MUC17: variants seen among roughly 807,000 people sequenced by gnomAD.
The protein encoded by MUC17 is mucin 17, cell surface associated, also known as mucin-17.
In MUC17, 190 loss-of-function variants were observed where a neutral mutation model predicts 170.3. The observed-to-expected ratio is 1.12, with a 90% CI of 0.99 to 1.26. The LOEUF (loss-of-function observed/expected upper bound fraction) is 1.26. Among genes scored for constraint, MUC17 ranks in the 50% most tolerant of loss-of-function variants. The pLI, the probability that MUC17 is intolerant of heterozygous loss-of-function variation, is 0.00. For synonymous variants in MUC17, 2,325 were observed against 2,002.5 expected, an observed-to-expected ratio of 1.16 and a Z score of -4.30; for missense variants, 6,415 against 5,530.0, an observed-to-expected ratio of 1.16 and a Z score of -5.08.
Position 101,047,942 on chromosome 7 carries a change from A to C in MUC17, c.12404-42A>C, listed in dbSNP as rs114763123. The stretch of plus-strand genomic sequence containing the variant: ...CTGCTCCTTCCAGTGAGGTGCCTCA[A>C]TGGAGGAACTTGGAAAGAAAACTTC... On this transcript the variant is annotated intron_variant, in intron 3 of 12. Transcript: ENST00000306151. The C allele has an allele frequency of 5.2e-6, 8 of 1,536,300 alleles. No individual in the cohort carries two copies. In the Admixed American group the frequency reaches 1.2e-4, roughly 23 times the overall value.
At chr7:101,055,769 A>C (rs564675414) in intron 11 of MUC17, among the ~76,000 whole-genome samples, 1 of 152,336 alleles carries the variant, frequency 6.6e-6, no homozygotes, top group South Asian at 2.1e-4. Context: ...AAAAAGCCTC[A>C]AAAAACTTAC....
Position 101,038,143 on chromosome 7 carries a change from A to T in MUC17, c.6727A>T (p.Thr2243Ser). The change falls in exon 3 of 13, where the codon ACT becomes TCT. Residue 2243 changes from threonine (T) to serine (S), a missense_variant. Coordinates refer to ENST00000306151, the MANE Select transcript of MUC17 (RefSeq NM_001040105.2). ...TTCTGAGGCTAGCACCCTTTCAGCA[A>T]CTCCTGTTGACACCAGCACACCTGT... is the stretch of plus-strand genomic sequence containing the variant. ...VTSEASTLSATPVDTSTPVTT... is the reference protein window; with the variant it reads ...VTSEASTLSASPVDTSTPVTT... The T allele has an allele frequency of 6.2e-7, 1 of 1,613,326 alleles. No individual in the cohort carries two copies. The highest frequency in any genetic ancestry group is 8.5e-7 in the Non-Finnish European group (1 of 1,179,840).
At position 101,041,866 on chromosome 7, in the gene MUC17, G is replaced by C; in HGVS notation, c.10450G>C (p.Asp3484His). 6.2e-7 allele frequency: 1 copy of C among 1,614,016 alleles called. No homozygotes were observed. Among genetic ancestry groups the C allele is most frequent in the Non-Finnish European group, 8.5e-7 (1 of 1,179,976 alleles). The change falls in exon 3 of 13, where the codon GAC becomes CAC. Residue 3484 changes from aspartate (D) to histidine (H), a missense_variant. Physicochemically the swap from Asp to His is moderately conservative, Grantham distance 81 (BLOSUM62 -1). Transcript: ENST00000306151. ...TAGCACCCTTTCAACAACTCCTGTT[G>C]ACACCAGCACACCTGTGACCACTTC... The part of the protein sequence containing the change: ...EASTLSTTPV[D>H]TSTPVTTSSP...
Position 101,040,337 on chromosome 7 carries a change from G to C in MUC17, c.8921G>C (p.Gly2974Ala). The C allele has an allele frequency of 6.2e-7, 1 of 1,612,144 alleles. No homozygotes were observed. Among genetic ancestry groups the C allele is most frequent in the South Asian group, 1.1e-5 (1 of 90,956 alleles). ...AGTTCTTCTCCTACAACTGCTGAAG[G>C]TACCAGCATGCCAATCTCAACTCCT... ...EASSSPTTAE[G>A]TSMPISTPGE... Residue 2974 changes from glycine to alanine, a missense_variant, in exon 3 of 13, where the codon GGT (glycine) becomes GCT (alanine). By Grantham distance (60) the Gly-to-Ala change is moderately conservative. Coordinates refer to ENST00000306151, the MANE Select transcript of MUC17 (RefSeq NM_001040105.2).
In MUC17 at chr7:101,035,716, A is replaced by G. The variant is rs762652484; in HGVS notation, c.4300A>G (p.Thr1434Ala). 3.7e-6 allele frequency: 6 copies of G among 1,608,200 alleles called. No homozygotes were observed. Among genetic ancestry groups the G allele is most frequent in the Non-Finnish European group, 5.1e-6 (6 of 1,176,872 alleles). ...CCCTGGGACCACTTCTGCTGAAGCC[A>G]CTTCATCTCCTACAACTGCTGAAGG... ...STPGTTSAEA[T>A]SSPTTAEGIS... The change falls in exon 3 of 13, where the codon ACT becomes GCT. Residue 1434 changes from threonine (T) to alanine (A), a missense_variant. Coordinates refer to ENST00000306151, the MANE Select transcript of MUC17 (RefSeq NM_001040105.2).
rs60346243 is a variant in MUC17 at position 101,021,181 on chromosome 7, CTTT to C, written c.82+984_82+986del. On this transcript the variant is annotated intron_variant, in intron 1 of 12. Transcript: ENST00000306151. ...CCCCAACCCTCACCTCTGTCTCCTC[CTTT>C]TTTTTTTTTTTTTTTTTTTGAGACG... 7.7e-3 allele frequency among the ~76,000 whole-genome samples: 646 copies of C among 84,144 alleles called. 2 individuals carry two copies. Among genetic ancestry groups the C allele is most frequent in the African/African-American group, 0.027 (602 of 22,276 alleles). 55.2% of individuals were successfully genotyped at this position (84,144 alleles called of 152,430 possible). A position where few individuals can be genotyped will look rare whatever the true frequency, so the allele number is the denominator to read the frequency against.
chr7:101,033,142 C>A lies in MUC17; in HGVS notation c.1726C>A (p.Pro576Thr), dbSNP rs760674012. 1 of 1,611,452 alleles carries A rather than the reference C, an allele frequency of 6.2e-7. No homozygotes were observed. Among genetic ancestry groups the A allele is most frequent in the Admixed American group, 1.7e-5 (1 of 59,838 alleles). Residue 576 changes from proline (P) to threonine (T), a missense_variant, in exon 3 of 13, where the codon CCT becomes ACT. Physicochemically the swap from Pro to Thr is conservative, Grantham distance 38 (BLOSUM62 -1). Coordinates refer to ENST00000306151, the MANE Select transcript of MUC17 (RefSeq NM_001040105.2). ...SEGSTPLTNM[P>T]VSTRLVVSSE... ...AGGAAGCACTCCATTAACAAACATG[C>A]CTGTCAGCACCAGGCTGGTGGTCAG...
rs188929101 is a variant in MUC17 at position 101,042,313 on chromosome 7, G to C, written c.10897G>C (p.Val3633Leu). 1 of 1,613,982 alleles carries C rather than the reference G, an allele frequency of 6.2e-7. No individual in the cohort carries two copies. Residue 3633 changes from valine (V) to leucine (L), a missense_variant, in exon 3 of 13, where the codon GTA becomes CTA. By Grantham distance (32) the Val-to-Leu change is conservative. Coordinates refer to ENST00000306151, the MANE Select transcript of MUC17 (RefSeq NM_001040105.2). ...CCTGCCAATGTCAACTCCTAGTGAA[G>C]TAAGCACTCCATTAACCATTATGCC... ...ITLPMSTPSE[V>L]STPLTIMPVS...
Position 101,041,847 on chromosome 7 carries a change from C to A in MUC17, c.10431C>A (p.Thr3477=), listed in dbSNP as rs1284086187. The change falls in exon 3 of 13, where the codon ACC becomes ACA. Residue 3477 remains threonine, a synonymous_variant. Coordinates refer to ENST00000306151, the MANE Select transcript of MUC17 (RefSeq NM_001040105.2). ...CGGTGGCCAGTTCTGAGGCTAGCAC[C>A]CTTTCAACAACTCCTGTTGACACCA... The part of the protein sequence containing the change: ...TTPVASSEAS[T]LSTTPVDTST... The A allele has an allele frequency of 6.2e-7, 1 of 1,613,850 alleles. No homozygotes were observed.
At position 101,039,176 on chromosome 7, in the gene MUC17, C is replaced by G. The variant is rs759375957; in HGVS notation, c.7760C>G (p.Ala2587Gly). ...RSMPVSTKPLASSEASTLSTT... is the reference protein window; with the variant it reads ...RSMPVSTKPLGSSEASTLSTT... ...ATGCCTGTCAGCACCAAGCCGTTGG[C>G]CAGTTCTGAGGCTAGCACTCTTTCA... Residue 2587 changes from alanine (A) to glycine (G), a missense_variant, in exon 3 of 13, where the codon GCC becomes GGC. Coordinates refer to ENST00000306151, the MANE Select transcript of MUC17 (RefSeq NM_001040105.2). 1 of 1,612,918 alleles carries G rather than the reference C, an allele frequency of 6.2e-7. No individual in the cohort carries two copies. Among genetic ancestry groups the G allele is most frequent in the South Asian group, 1.1e-5 (1 of 90,970 alleles).
At chr7:101,046,495 G>C (rs1794843935) in intron 3 of MUC17, among the ~76,000 whole-genome samples, 1 of 152,194 alleles carries the variant, frequency 6.6e-6, no homozygotes, top group South Asian at 2.1e-4. Context: ...GAGTTGTTAG[G>C]CTGGGCATGA....
intron 11 of MUC17, among the ~76,000 whole-genome samples, chr7:101,055,605 G>A (rs955198989): frequency 3.3e-5 from 5 of 152,154 alleles, no homozygotes; most frequent in African/African-American, 1.2e-4. Flanking sequence ...GCCTCTCTTA[G>A]TAATTGACAA....
In MUC17 at chr7:101,039,356, G is replaced by C. The variant is rs1794608511; in HGVS notation, c.7940G>C (p.Ser2647Thr). The change falls in exon 3 of 13, where the codon AGT (serine) becomes ACT (threonine). Residue 2647 changes from serine to threonine, a missense_variant. Transcript: ENST00000306151. ...SILVSTMPVA[S>T]SEASTLSTTP... The stretch of plus-strand genomic sequence containing the variant: ...CTTGTCAGCACCATGCCAGTGGCCA[G>C]TTCTGAGGCTAGCACCCTTTCAACA... 1 of 1,613,038 alleles carries C rather than the reference G, an allele frequency of 6.2e-7. No individual in the cohort carries two copies.
rs202162190 is a variant in MUC17 at position 101,038,991 on chromosome 7, G to A, written c.7575G>A (p.Thr2525=). ...TLLTSIPVST[T]PVASPEASTL... ...TAACAAGTATACCTGTCAGCACCAC[G>A]CCAGTGGCCAGTCCTGAGGCTAGCA... The change falls in exon 3 of 13, where the codon ACG becomes ACA. Residue 2525 remains threonine (T), a synonymous_variant. Coordinates refer to ENST00000306151, the MANE Select transcript of MUC17 (RefSeq NM_001040105.2). The A allele has an allele frequency of 1.6e-5, 26 of 1,614,076 alleles. No homozygotes were observed. The highest frequency in any genetic ancestry group is 8.8e-5 in the South Asian group (8 of 91,068).
chr7:101,042,915 C>A lies in MUC17; in HGVS notation c.11499C>A (p.Ser3833Arg), dbSNP rs778746528. 2 of 1,614,110 alleles carry A rather than the reference C, an allele frequency of 1.2e-6. No homozygotes were observed. Among genetic ancestry groups the A allele is most frequent in the South Asian group, 1.1e-5 (1 of 91,078 alleles). The change falls in exon 3 of 13, where the codon AGC becomes AGA. Residue 3833 changes from serine to arginine, a missense_variant. By Grantham distance (110) the Ser-to-Arg change is moderately radical. Coordinates refer to ENST00000306151, the MANE Select transcript of MUC17 (RefSeq NM_001040105.2). ...PISVMSPSEASTLSTPPGDTS... is the reference protein window; with the variant it reads ...PISVMSPSEARTLSTPPGDTS... ...CTGTGATGAGTCCTTCTGAGGCCAGCACACTTTCAACACCTCCTGGTGATA... is the reference window on the plus strand; with the variant it reads ...CTGTGATGAGTCCTTCTGAGGCCAGAACACTTTCAACACCTCCTGGTGATA...
rs540493073 is a variant in MUC17, at chr7:101,058,308, G to A, written c.*264G>A. ...TTTTCAAAGACGCTCCAGATTTGAG[G>A]GTACTCTGACTGCAACATCTTTCAC... On this transcript the variant is annotated 3_prime_UTR_variant, in exon 13 of 13. Transcript: ENST00000306151. 6.1e-6 allele frequency: 2 copies of A among 328,948 alleles called. No homozygotes were observed. Among genetic ancestry groups the A allele is most frequent in the Non-Finnish European group, 1.1e-5 (2 of 178,500 alleles). The allele number at this position is 328,948 out of a possible 1,614,324, so 20.4% of individuals were successfully genotyped here.
chr7:101,041,901 C>G lies in MUC17; in HGVS notation c.10485C>G (p.Thr3495=). The G allele has an allele frequency of 1.2e-6, 2 of 1,613,592 alleles. No homozygotes were observed. Among genetic ancestry groups the G allele is most frequent in the Non-Finnish European group, 1.7e-6 (2 of 1,179,970 alleles). The part of the protein sequence containing the change: ...TSTPVTTSSP[T]NSSPTTAEVT... ...CACCTGTGACCACTTCTTCTCCAAC[C>G]AATTCATCTCCTACAACTGCTGAAG... The change falls in exon 3 of 13, where the codon ACC becomes ACG. Residue 3495 remains threonine, a synonymous_variant. Coordinates refer to ENST00000306151, the MANE Select transcript of MUC17 (RefSeq NM_001040105.2).
rs1340627977 is a variant in MUC17, at chr7:101,053,322, G to T, written c.13266-17G>T. 4 of 1,610,756 alleles carry T rather than the reference G, an allele frequency of 2.5e-6. No individual in the cohort carries two copies. Among genetic ancestry groups the T allele is most frequent in the Non-Finnish European group, 2.5e-6 (3 of 1,176,998 alleles). On this transcript the variant is annotated splice_polypyrimidine_tract_variant and intron_variant, in intron 10 of 12. Transcript: ENST00000306151. ...TCCCCAATCCTAATGGGGTCTCTCT[G>T]ATGTTTCCATCACTAGGCAAAAGTA... is the stretch of plus-strand genomic sequence containing the variant.
At position 101,038,009 on chromosome 7, in the gene MUC17, C is replaced by T; in HGVS notation, c.6593C>T (p.Ala2198Val). 3.7e-6 allele frequency: 6 copies of T among 1,608,010 alleles called. No homozygotes were observed. The highest frequency in any genetic ancestry group is 5.1e-6 in the Non-Finnish European group (6 of 1,176,810). ...TSTPVTNSTEARSSPTTSEGT... is the reference protein window; with the variant it reads ...TSTPVTNSTEVRSSPTTSEGT... ...ACACCTGTGACCAATTCTACTGAAG[C>T]CCGTTCATCTCCTACAACTTCTGAA... is the stretch of plus-strand genomic sequence containing the variant. Residue 2198 changes from alanine to valine, a missense_variant, in exon 3 of 13, where the codon GCC (alanine) becomes GTC (valine). Ala to Val is a moderately conservative substitution (Grantham distance 64). Coordinates refer to ENST00000306151, the MANE Select transcript of MUC17 (RefSeq NM_001040105.2).
Sources: allele counts gnomAD v4.1 joint callset (sites outside exome capture counted in the v4.1 genomes callset), GRCh38; gene constraint gnomAD v4.1.1; transcripts MANE v1.5; gene names NCBI Gene and HGNC (gene_info 2026-07-23, HGNC 2026-07-21).